SYBU: variants seen among roughly 807,000 people sequenced by gnomAD.
SYBU encodes the protein GOLSYN A protein.
In SYBU, 21 loss-of-function variants were observed where a neutral mutation model predicts 35.9. The ratio of observed to expected loss-of-function variants is 0.58; its 90% CI spans 0.41 to 0.84. SYBU has a LOEUF of 0.84. Ranked by LOEUF, SYBU falls within the 40% of genes least tolerant of loss-of-function variation. The probability of loss-of-function intolerance (pLI) is 0.00; values close to 1 mark genes in which losing one functional copy is unlikely to be tolerated. For synonymous variants in SYBU, 319 were observed against 324.3 expected (o/e 0.98, Z 0.18); for missense variants, 768 against 848.2 (o/e 0.91, Z 1.17).
chr8:109,660,370 C>T (rs1160166404), intron 1 of SYBU, among the ~76,000 whole-genome samples: 7 of 152,150 alleles, frequency 4.6e-5, no homozygotes, highest in Non-Finnish European at 1.0e-4. Context: ...TGTGTATTTA[C>T]GTTAGTATTG....
chr8:109,590,165 G>A (rs901239617), intron 3 of SYBU, among the ~76,000 whole-genome samples: 5 of 152,242 alleles, frequency 3.3e-5, no homozygotes, highest in African/African-American at 7.2e-5. Flanking sequence ...CAGGAGCAAC[G>A]GACACACGCA....
chr8:109,663,536 T>C (rs1816650425), intron 1 of SYBU, among the ~76,000 whole-genome samples: 1 of 152,168 alleles, frequency 6.6e-6, no homozygotes, highest in Non-Finnish European at 1.5e-5. Context: ...TAAGTGCATA[T>C]TTTTGAAAAA....
At chr8:109,690,957 A>C (rs1817630985) in intron 1 of SYBU, among the ~76,000 whole-genome samples, 1 of 152,150 alleles carries the variant, frequency 6.6e-6, no homozygotes, top group African/African-American at 2.4e-5. Flanking sequence ...TTCCTTATCA[A>C]AAGCCACCAT....
At chr8:109,604,479 G>C (rs1381143505) in intron 3 of SYBU, among the ~76,000 whole-genome samples, 1 of 152,052 alleles carries the variant, frequency 6.6e-6, no homozygotes, top group African/African-American at 2.4e-5. Flanking sequence ...CCCAGTGCCT[G>C]GTCACTGCCT....
At chr8:109,608,125 A>T (rs1826256933) in intron 3 of SYBU, 1 of 539,050 alleles carries the variant, frequency 1.9e-6, no homozygotes, top group Non-Finnish European at 3.2e-6. Flanking sequence ...CAGGAGGCAG[A>T]GGGAAAGCCA....
chr8:109,640,838 A>T (rs1466419306), intron 2 of SYBU, among the ~76,000 whole-genome samples: 1 of 145,896 alleles, frequency 6.9e-6, no homozygotes, highest in Non-Finnish European at 1.5e-5. Flanking sequence ...AAAAAAAAAA[A>T]GTAGGCAGTG....
chr8:109,680,966 C>G (rs1054753780), exon 1 of SYBU: 1 of 152,356 alleles, frequency 6.6e-6, no homozygotes, highest in East Asian at 1.9e-4. Flanking sequence ...GGAACACTGA[C>G]GCAGCCTGAC....
At chr8:109,683,142 T>G (rs1817439286), upstream of SYBU, among the ~76,000 whole-genome samples, 1 of 152,148 alleles carries the variant, frequency 6.6e-6, no homozygotes, top group Non-Finnish European at 1.5e-5. Context: ...CACTGCCTAG[T>G]AGAGCTGTGA....
upstream of SYBU, among the ~76,000 whole-genome samples, chr8:109,683,191 C>T (rs1817440908): frequency 6.6e-6 from 1 of 152,196 alleles, no homozygotes. Context: ...AATGGTAGAT[C>T]CACTGACAGC....
In SYBU at chr8:109,587,131, T is replaced by C. The variant is rs111572931; in HGVS notation, c.428-969A>G. 7.9e-4 allele frequency among the ~76,000 whole-genome samples: 121 copies of C among 152,276 alleles called. 1 individual carries two copies. Among genetic ancestry groups the C allele is most frequent in the Middle Eastern group, 3.4e-3 (1 of 294 alleles). On this transcript the variant is annotated intron_variant, in intron 3 of 6. Transcript: ENST00000276646. Reference sequence around the variant, plus strand: ...AGGTATACAGTTTAATTTGACCTTGTTGCTCAACTCCTACCACATAATTTG... The same window carrying C: ...AGGTATACAGTTTAATTTGACCTTGCTGCTCAACTCCTACCACATAATTTG...
Position 109,574,125 on chromosome 8 carries a change from A to G in SYBU, c.*781T>C, listed in dbSNP as rs1375064080. 1 of 152,206 alleles carries G rather than the reference A, an allele frequency of 6.6e-6. No individual in the cohort carries two copies. The allele number at this position is 152,206 out of a possible 1,614,324, so 9.4% of individuals were successfully genotyped here. ...GACCCCCTATTGATAAAGATGTAAGATCTGCTATTCATTGTCTTTCTTATA... is the reference window on the plus strand; with the variant it reads ...GACCCCCTATTGATAAAGATGTAAGGTCTGCTATTCATTGTCTTTCTTATA... On this transcript the variant is annotated 3_prime_UTR_variant, in exon 7 of 7. Coordinates refer to ENST00000276646, the MANE Select transcript of SYBU (RefSeq NM_001099754.2).
intron 1 of SYBU, among the ~76,000 whole-genome samples, chr8:109,668,556 A>C (rs74823672): frequency 0.02 from 3,085 of 152,288 alleles, 111 homozygotes; most frequent in African/African-American, 0.07. Context: ...TATGTGTGCT[A>C]TGGAGAGTAG....
At chr8:109,647,125 T>C (rs1489710749), upstream of SYBU, 1 of 152,248 alleles carries the variant, frequency 6.6e-6, no homozygotes, top group Non-Finnish European at 1.5e-5. Flanking sequence ...TGAAACTCCT[T>C]AATGTGGCAC....
At chr8:109,660,970 G>T (rs1282040160) in intron 1 of SYBU, among the ~76,000 whole-genome samples, 1 of 152,102 alleles carries the variant, frequency 6.6e-6, no homozygotes, top group East Asian at 1.9e-4. Context: ...TCATACCCAA[G>T]AATTATAAGA....
rs556071280 is a variant in SYBU, at chr8:109,632,812, C to T, written c.229+9916G>A. 6.6e-5 allele frequency among the ~76,000 whole-genome samples: 10 copies of T among 152,262 alleles called. No individual in the cohort carries two copies. In the South Asian group the frequency reaches 8.3e-4, roughly 13 times the overall value. Reference sequence around the variant, plus strand: ...AATTATGGTCCTCTGTAGAGTGACACGCCACGCTGTCATTACCATGAATGA... The same window carrying T: ...AATTATGGTCCTCTGTAGAGTGACATGCCACGCTGTCATTACCATGAATGA... On this transcript the variant is annotated intron_variant, in intron 2 of 6. Coordinates refer to ENST00000276646, the MANE Select transcript of SYBU (RefSeq NM_001099754.2).
chr8:109,667,678 A>C (rs931979378), intron 1 of SYBU, among the ~76,000 whole-genome samples: 1 of 152,168 alleles, frequency 6.6e-6, no homozygotes, highest in African/African-American at 2.4e-5. Flanking sequence ...TGTTGCCCAG[A>C]GTGCAGTGGC....
chr8:109,654,090 T>A (rs1286403718), intron 1 of SYBU, among the ~76,000 whole-genome samples: 1 of 152,196 alleles, frequency 6.6e-6, no homozygotes, highest in East Asian at 1.9e-4. Context: ...TACTGGACAT[T>A]TCACATCAGC....
chr8:109,632,534 A>T (rs1214262181), intron 2 of SYBU, among the ~76,000 whole-genome samples: 1 of 152,230 alleles, frequency 6.6e-6, no homozygotes, highest in Non-Finnish European at 1.5e-5. Context: ...AAAAAAATAA[A>T]GAAAAAGCAA....
At chr8:109,643,416 T>C (rs1204326366) in intron 1 of SYBU, 1 of 153,112 alleles carries the variant, frequency 6.5e-6, no homozygotes, top group African/African-American at 2.4e-5. Flanking sequence ...CTGGAACAGT[T>C]ATTTCCTGAT....
Sources: gnomAD v4.1 joint callset for allele counts (sites outside exome capture counted in the v4.1 genomes callset) on GRCh38, gnomAD v4.1.1 for gene constraint, MANE v1.5 for transcripts, NCBI Gene and HGNC (gene_info 2026-07-23, HGNC 2026-07-21) for gene names.